The following SERINC2 variants were observed in gnomAD, a reference collection of about 807,000 sequenced individuals.
SERINC2 encodes the protein tumor differentially expressed protein 2.
Under a neutral mutation model 54.2 loss-of-function variants are expected in SERINC2, and 56 were observed. The observed-to-expected ratio is 1.03, with a 90% CI of 0.83 to 1.29. The LOEUF (loss-of-function observed/expected upper bound fraction) is 1.29. Among genes scored for constraint, SERINC2 ranks in the 50% most tolerant of loss-of-function variants. The pLI is 0.00. For synonymous variants in SERINC2, 272 were observed against 253.1 expected (o/e 1.07, Z -0.71); for missense variants, 614 against 607.4 (o/e 1.01, Z -0.12).
intron 8 of SERINC2, among the ~76,000 whole-genome samples, chr1:31,431,822 A>ATAGGGTGGATAGGGTGGT (rs1557499926): frequency 2.7e-5 from 3 of 112,514 alleles, no homozygotes; most frequent in South Asian, 3.0e-4. Context: ...GACAGGGTGG[A>ATAGGGTGGATAGGGTGGT]TAGGGTGGAT....
chr1:31,431,415 C>T (rs147505568), intron 8 of SERINC2, among the ~76,000 whole-genome samples: 1 of 152,058 alleles, frequency 6.6e-6, no homozygotes, highest in Non-Finnish European at 1.5e-5. Flanking sequence ...GAGTGCACCA[C>T]TCCTGGCCTG....
At chr1:31,432,594 G>A (rs1392113470) in intron 8 of SERINC2, among the ~76,000 whole-genome samples, 3 of 152,160 alleles carry the variant, frequency 2.0e-5, no homozygotes, top group Non-Finnish European at 2.9e-5. Flanking sequence ...CTCGATACGT[G>A]TTTATGGAAA....
chr1:31,427,197 A>G (rs1641069286), intron 6 of SERINC2, among the ~76,000 whole-genome samples: 1 of 152,188 alleles, frequency 6.6e-6, no homozygotes, highest in Non-Finnish European at 1.5e-5. Context: ...TCAGTAGAAC[A>G]TTAGGGGCAG....
intron 2 of SERINC2, 145 bp from the exon 3 acceptor site, chr1:31,424,538 G>T (rs1640980944): frequency 3.0e-6 from 2 of 662,824 alleles, no homozygotes; most frequent in South Asian, 4.0e-5. Flanking sequence ...AGAGGTGAGG[G>T]GCTCCCCTCC....
Position 31,433,179 on chromosome 1 carries a change from G to T in SERINC2, c.1226G>T (p.Trp409Leu). ...SLHVMMTLTN[W>L]YKPGETRKMI... ...CACGTCATGATGACGCTCACCAACT[G>T]GTACAAGTGCGTAGCTGGTGGGGCA... is the stretch of plus-strand genomic sequence containing the variant. Residue 409 changes from tryptophan to leucine, a missense_variant, in exon 9 of 10, where the codon TGG becomes TTG. By Grantham distance (61) the Trp-to-Leu change is moderately conservative. Transcript: ENST00000373709. The T allele has an allele frequency of 6.2e-7, 1 of 1,613,346 alleles. No individual in the cohort carries two copies.
At chr1:31,432,202 A>AGGGTG (rs1641314246) in intron 8 of SERINC2, among the ~76,000 whole-genome samples, 3 of 143,396 alleles carry the variant, frequency 2.1e-5, no homozygotes, top group Non-Finnish European at 3.1e-5. Flanking sequence ...TAGAGTGGAG[A>AGGGTG]GAGTGGACAG....
chr1:31,425,680 C>A, intron 4 of SERINC2, 96 bp from the exon 5 acceptor site: 1 of 1,439,784 alleles, frequency 6.9e-7, no homozygotes, highest in Non-Finnish European at 9.5e-7. Context: ...CTGTTCTTCT[C>A]AGTGTCCCCG....
chr1:31,428,542 C>T (rs1434960390), intron 6 of SERINC2, among the ~76,000 whole-genome samples: 5 of 152,054 alleles, frequency 3.3e-5, no homozygotes, highest in Admixed American at 6.6e-5. Context: ...CCCAGGGCTC[C>T]GCAGGAGTCC....
At chr1:31,423,432 G>A (rs1553132982) in intron 1 of SERINC2, among the ~76,000 whole-genome samples, 1 of 152,140 alleles carries the variant, frequency 6.6e-6, no homozygotes, top group African/African-American at 2.4e-5. Flanking sequence ...GAAACAGCGT[G>A]ACCTCGGCTA....
chr1:31,425,663 A>G (rs782113160), intron 4 of SERINC2, 113 bp from the exon 5 acceptor site: 24 of 1,326,056 alleles, frequency 1.8e-5, no homozygotes, highest in Non-Finnish European at 2.5e-5. Context: ...CCCTGAGGGC[A>G]GGGACTCTGT....
chr1:31,414,811 G>A, intron 1 of SERINC2: 1 of 984,440 alleles, frequency 1.0e-6, no homozygotes, highest in Non-Finnish European at 1.2e-6. Context: ...TGGCCTGGGG[G>A]TGGAGATGTT....
At chr1:31,422,611 G>A (rs1640930081) in intron 1 of SERINC2, among the ~76,000 whole-genome samples, 1 of 152,172 alleles carries the variant, frequency 6.6e-6, no homozygotes, top group Non-Finnish European at 1.5e-5. Flanking sequence ...TTTGTTTAGT[G>A]TTTTTCCTGC....
chr1:31,428,570 G>T (rs1641104965), intron 6 of SERINC2, among the ~76,000 whole-genome samples: 1 of 152,164 alleles, frequency 6.6e-6, no homozygotes, highest in Non-Finnish European at 1.5e-5. Context: ...ATACTGAAGA[G>T]GCGCTGCCTG....
chr1:31,410,560 G>A, upstream of SERINC2: 1 of 1,356,088 alleles, frequency 7.4e-7, no homozygotes, highest in Non-Finnish European at 1.0e-6. Context: ...AAGTCAGAGT[G>A]GCTATCCCTT....
At chr1:31,415,017 C>T (rs1364972747) in intron 1 of SERINC2, among the ~76,000 whole-genome samples, 1 of 152,208 alleles carries the variant, frequency 6.6e-6, no homozygotes, top group East Asian at 1.9e-4. Context: ...AAGCCAAGTG[C>T]TGGTCTCTGA....
chr1:31,431,778 T>TAGGATGGTTAGGGTGGAC (rs1641216378), intron 8 of SERINC2, among the ~76,000 whole-genome samples: 1 of 9,916 alleles, frequency 1.0e-4, no homozygotes, highest in African/African-American at 1.7e-4. Context: ...AGAGGGTGAA[T>TAGGATGGTTAGGGTGGAC]AGGGTGGATA....
At chr1:31,422,021 A>G (rs1056731136) in intron 1 of SERINC2, among the ~76,000 whole-genome samples, 4 of 152,288 alleles carry the variant, frequency 2.6e-5, no homozygotes, top group Admixed American at 2.6e-4. Context: ...TTAAAAGGCC[A>G]GGTGCAGTGG....
At chr1:31,426,268 G>A (rs1406200873) in intron 5 of SERINC2, among the ~76,000 whole-genome samples, 1 of 152,122 alleles carries the variant, frequency 6.6e-6, no homozygotes, top group Non-Finnish European at 1.5e-5. Context: ...GTGAGTCCCT[G>A]GTCCTTTCAG....
At chr1:31,413,157 GCGGGGCCGGGGCGGGGC>G (rs372556679), upstream of SERINC2, 71,753 of 1,000,666 alleles carry the variant, frequency 0.072, 3,547 homozygotes, top group East Asian at 0.32. This position sits in a 1 kb window ranked among gnomAD's most constrained non-coding sequence, Gnocchi z 5.0. Flanking sequence ...GGTAGGTGGG[GCGGGGCCGGGGCGGGGC>G]CGGGGCCGGG....
Sources: gnomAD v4.1 joint callset for allele counts (sites outside exome capture counted in the v4.1 genomes callset) on GRCh38, gnomAD v4.1.1 for gene constraint, Gnocchi (gnomAD v3.1) non-coding constraint, MANE v1.5 for transcripts, NCBI Gene and HGNC (gene_info 2026-07-23, HGNC 2026-07-21) for gene names.